SLC24A3: variants seen among roughly 807,000 people sequenced by gnomAD.
SLC24A3 encodes solute carrier family 24 member 3.
A neutral mutation model predicts 75.8 loss-of-function variants in SLC24A3; 28 were observed. That is an observed-to-expected ratio of 0.37 (90% CI 0.27 to 0.51). The LOEUF (loss-of-function observed/expected upper bound fraction) is 0.51, where lower values mean the gene tolerates loss of function less well. SLC24A3 is among the 20% of genes least tolerant of loss of function. The pLI, the probability that SLC24A3 is intolerant of heterozygous loss-of-function variation, is 0.94. For missense variants in SLC24A3, 663 were observed against 847.8 expected (o/e 0.78, Z 2.71); for synonymous variants, 372 against 334.1 (o/e 1.11, Z -1.24).
intron 3 of SLC24A3, among the ~76,000 whole-genome samples, chr20:19,573,966 C>T (rs557437217): frequency 6.6e-6 from 1 of 152,242 alleles, no homozygotes; most frequent in Admixed American, 6.5e-5. Flanking sequence ...AGGTGAACCT[C>T]TTACGTTGGG....
At chr20:19,444,623 A>T (rs117830527) in intron 2 of SLC24A3, among the ~76,000 whole-genome samples, 1,849 of 152,216 alleles carry the variant, frequency 0.012, 20 homozygotes, top group Non-Finnish European at 0.016. Context: ...TTGTCATAAT[A>T]GTCCTTTATT....
In SLC24A3 at chr20:19,515,423, C is replaced by T. The variant is rs1434065733; in HGVS notation, c.272-65C>T. 9 of 1,502,442 alleles carry T rather than the reference C, an allele frequency of 6.0e-6. No individual in the cohort carries two copies. In the East Asian group the frequency reaches 1.8e-4, roughly 30 times the overall value. 93.1% of individuals were successfully genotyped at this position (1,502,442 alleles called of 1,614,324 possible). The stretch of plus-strand genomic sequence containing the variant: ...GGACCCCATGTTAAAACCAAGACTC[C>T]CAGACCTACAGCACTGAAAATGTGG... On this transcript the variant is annotated intron_variant, in intron 2 of 16. Transcript: ENST00000328041.
intron 1 of SLC24A3, among the ~76,000 whole-genome samples, chr20:19,262,810 T>C (rs1048148131): frequency 6.6e-6 from 1 of 152,182 alleles, no homozygotes; most frequent in Admixed American, 6.5e-5. Flanking sequence ...TATTTCTGAA[T>C]GTAATACAGC....
At chr20:19,342,061 A>G (rs939976232) in intron 2 of SLC24A3, among the ~76,000 whole-genome samples, 4 of 152,268 alleles carry the variant, frequency 2.6e-5, no homozygotes, top group African/African-American at 4.8e-5. Flanking sequence ...GTCAGTTTGC[A>G]TTAGATTGAT....
chr20:19,320,882 T>A (rs1275899096), intron 2 of SLC24A3, among the ~76,000 whole-genome samples: 2 of 152,136 alleles, frequency 1.3e-5, no homozygotes, highest in Non-Finnish European at 2.9e-5. Flanking sequence ...TGAAGTTGGT[T>A]GACTCTGTGG....
chr20:19,568,903 T>A (rs889795916), intron 3 of SLC24A3, among the ~76,000 whole-genome samples: 4 of 152,192 alleles, frequency 2.6e-5, no homozygotes, highest in Admixed American at 6.5e-5. Flanking sequence ...GAGAGATAGA[T>A]ACAGAGAGAC....
chr20:19,573,647 G>A (rs1183027469), intron 3 of SLC24A3, among the ~76,000 whole-genome samples: 1 of 152,220 alleles, frequency 6.6e-6, no homozygotes, highest in Non-Finnish European at 1.5e-5. Flanking sequence ...CCCTCAGCAT[G>A]TTGGTGTGTA....
intron 2 of SLC24A3, among the ~76,000 whole-genome samples, chr20:19,405,922 G>A (rs1026957630): frequency 6.6e-6 from 1 of 152,164 alleles, no homozygotes; most frequent in Non-Finnish European, 1.5e-5. Flanking sequence ...TGTTTATTCC[G>A]TGAATGATTT....
intron 2 of SLC24A3, among the ~76,000 whole-genome samples, chr20:19,312,876 C>T (rs906825939): frequency 2.0e-5 from 3 of 151,976 alleles, no homozygotes; most frequent in African/African-American, 7.3e-5. Flanking sequence ...GTATTGGTAG[C>T]AATGGTGATG....
chr20:19,692,532 T>C (rs2032756158), intron 12 of SLC24A3, among the ~76,000 whole-genome samples: 1 of 152,114 alleles, frequency 6.6e-6, no homozygotes, highest in South Asian at 2.1e-4. Flanking sequence ...TCCTATATGG[T>C]TTTATTTGAA....
chr20:19,631,728 G>A (rs866018318), intron 6 of SLC24A3, among the ~76,000 whole-genome samples: 31 of 151,664 alleles, frequency 2.0e-4, no homozygotes, highest in Middle Eastern at 6.8e-3. Context: ...TCCCTAGTAA[G>A]GTAAAAAAAT....
intron 2 of SLC24A3, among the ~76,000 whole-genome samples, chr20:19,500,934 A>C (rs979024272): frequency 2.0e-5 from 3 of 152,210 alleles, no homozygotes; most frequent in Non-Finnish European, 4.4e-5. Flanking sequence ...TGACATCATG[A>C]CCAAGGTTAT....
intron 15 of SLC24A3, 43 bp from the exon 16 acceptor site, chr20:19,717,485 A>G (rs1327901313): frequency 6.2e-7 from 1 of 1,608,286 alleles, no homozygotes; most frequent in East Asian, 2.2e-5. Context: ...TCTGCTTTGG[A>G]AGCCTAGCTT....
intron 11 of SLC24A3, among the ~76,000 whole-genome samples, 154 bp downstream of exon 11, chr20:19,684,490 G>C (rs1039359917): frequency 2.0e-5 from 3 of 152,148 alleles, no homozygotes; most frequent in African/African-American, 7.2e-5. Context: ...CCCTGGGCCA[G>C]CTGTATATCT....
intron 2 of SLC24A3, among the ~76,000 whole-genome samples, chr20:19,392,311 T>G (rs1481763990): frequency 1.3e-5 from 2 of 152,190 alleles, no homozygotes; most frequent in East Asian, 1.9e-4. Context: ...CATAATTCAT[T>G]CAAATGCCTT....
chr20:19,555,452 G>GTC (rs2030766985), intron 3 of SLC24A3, among the ~76,000 whole-genome samples: 1 of 152,150 alleles, frequency 6.6e-6, no homozygotes, highest in African/African-American at 2.4e-5. Flanking sequence ...TCTTCCATTA[G>GTC]TCTCGACAAT....
intron 1 of SLC24A3, among the ~76,000 whole-genome samples, chr20:19,227,520 A>G (rs188581529): frequency 6.6e-6 from 1 of 151,876 alleles, no homozygotes; most frequent in Admixed American, 6.5e-5. Flanking sequence ...CACCATTTGT[A>G]TGGTTTACTT....
chr20:19,344,558 T>C (rs1985345346), intron 2 of SLC24A3, among the ~76,000 whole-genome samples: 1 of 152,148 alleles, frequency 6.6e-6, no homozygotes, highest in Admixed American at 6.5e-5. Context: ...AATAAGTAAG[T>C]CACTTCTGTG....
intron 2 of SLC24A3, among the ~76,000 whole-genome samples, chr20:19,293,348 T>A (rs1983986046): frequency 6.6e-6 from 1 of 152,134 alleles, no homozygotes; most frequent in Non-Finnish European, 1.5e-5. Flanking sequence ...CATTTTATGT[T>A]CGTGGCTCGG....
Sources: gnomAD v4.1 joint callset for allele counts (sites outside exome capture counted in the v4.1 genomes callset) on GRCh38, gnomAD v4.1.1 for gene constraint, MANE v1.5 for transcripts, NCBI Gene and HGNC (gene_info 2026-07-23, HGNC 2026-07-21) for gene names.